Variants in SORCS2 observed in about 807,000 individuals in gnomAD.
SORCS2 encodes the protein VPS10 domain-containing receptor SorCS2.
In SORCS2, 100 loss-of-function variants were observed where a neutral mutation model predicts 141.6. That is an observed-to-expected ratio of 0.71 (90% confidence interval 0.60 to 0.83). The LOEUF (loss-of-function observed/expected upper bound fraction) is 0.83. Ranked by LOEUF, SORCS2 falls within the 40% of genes least tolerant of loss-of-function variation. SORCS2 has a pLI of 0.00. For missense variants in SORCS2, 1,646 were observed against 1,560.2 expected (o/e 1.05, Z -0.93); for synonymous variants, 789 against 676.9 (o/e 1.17, Z -2.57).
chr4:7,661,736 G>A (rs62290705), intron 6 of SORCS2, among the ~76,000 whole-genome samples, 172 bp downstream of exon 6: 2,611 of 152,286 alleles, frequency 0.017, 35 homozygotes, highest in Non-Finnish European at 0.027. Context: ...AGCTGGGGAG[G>A]AATCGAAGTC....
chr4:7,198,734 G>T (rs1727313056), intron 1 of SORCS2, among the ~76,000 whole-genome samples: 1 of 152,188 alleles, frequency 6.6e-6, no homozygotes, highest in Admixed American at 6.5e-5. Context: ...TGCTGGTGGG[G>T]CAAGCCTGTC....
At chr4:7,460,859 G>A (rs1470110321) in intron 2 of SORCS2, among the ~76,000 whole-genome samples, 1 of 152,148 alleles carries the variant, frequency 6.6e-6, no homozygotes, top group Non-Finnish European at 1.5e-5. Context: ...GCCTCCTGAA[G>A]CCTGGGCCGT....
rs144933241 is a variant in SORCS2, at chr4:7,543,487, T to TCATC, written c.648+11888_648+11891dup. Among the ~76,000 whole-genome samples, 562 of 114,144 alleles carry TCATC rather than the reference T, an allele frequency of 4.9e-3. 10 individuals are homozygous for TCATC. The highest frequency in any genetic ancestry group is 0.012 in the African/African-American group (341 of 27,664). 74.9% of individuals were successfully genotyped at this position (114,144 alleles called of 152,430 possible). On this transcript the variant is annotated intron_variant, in intron 3 of 26. Transcript: ENST00000507866. Reference sequence around the variant, plus strand: ...TCCACCCACCCATCCATTCACCCACTCATCCATCCATCCATCCATCCATCC... The same window carrying TCATC: ...TCCACCCACCCATCCATTCACCCACTCATCCATCCATCCATCCATCCATCCATCC...
intron 1 of SORCS2, among the ~76,000 whole-genome samples, chr4:7,214,801 G>C (rs1728229785): frequency 6.6e-6 from 1 of 152,228 alleles, no homozygotes; most frequent in African/African-American, 2.4e-5. Context: ...CTGCCAGTGG[G>C]GCTGCTTTTC....
intron 19 of SORCS2, among the ~76,000 whole-genome samples, chr4:7,724,677 A>G (rs1461362393): frequency 1.8e-4 from 15 of 81,174 alleles, no homozygotes; most frequent in East Asian, 5.4e-4. Flanking sequence ...TAATGGTGGT[A>G]GTGGTGATGG....
chr4:7,669,003 C>T (rs527331729), intron 8 of SORCS2, among the ~76,000 whole-genome samples: 13 of 152,314 alleles, frequency 8.5e-5, no homozygotes, highest in Non-Finnish European at 1.8e-4. Context: ...AAGTCATGAC[C>T]TCTGTGACCT....
chr4:7,438,766 C>T (rs2109252004), intron 2 of SORCS2, among the ~76,000 whole-genome samples: 1 of 152,168 alleles, frequency 6.6e-6, no homozygotes, highest in Middle Eastern at 3.4e-3. Flanking sequence ...ACACACCTGT[C>T]CCACTTGCTT....
At chr4:7,496,309 C>T (rs1200720491) in intron 2 of SORCS2, among the ~76,000 whole-genome samples, 2 of 152,096 alleles carry the variant, frequency 1.3e-5, no homozygotes, top group African/African-American at 2.4e-5. Context: ...ATCCAAGGTC[C>T]GGCTGCTCAA....
intron 1 of SORCS2, among the ~76,000 whole-genome samples, chr4:7,374,335 C>G (rs1388878376): frequency 6.6e-6 from 1 of 152,088 alleles, no homozygotes; most frequent in African/African-American, 2.4e-5. Context: ...GGGAAATGCT[C>G]CTCCCCCATG....
At chr4:7,571,928 C>T (rs770314974) in intron 3 of SORCS2, among the ~76,000 whole-genome samples, 1 of 152,198 alleles carries the variant, frequency 6.6e-6, no homozygotes, top group Non-Finnish European at 1.5e-5. Context: ...GTGTCATCCG[C>T]TCAACTCAGC....
At chr4:7,615,039 A>C (rs1718666572) in intron 3 of SORCS2, among the ~76,000 whole-genome samples, 1 of 151,716 alleles carries the variant, frequency 6.6e-6, no homozygotes, top group African/African-American at 2.4e-5. Context: ...CCATTTATTC[A>C]TCCATCCACC....
chr4:7,305,233 G>T lies in SORCS2; in HGVS notation c.481-91055G>T, dbSNP rs557536737. On this transcript the variant is annotated intron_variant, in intron 1 of 26. Coordinates refer to ENST00000507866, the MANE Select transcript of SORCS2 (RefSeq NM_020777.3). ...TTTTTAGTAGAGATGGGGTTTCACC[G>T]TGTTAGCCAGGATGGTCTCGATCTG... 3.3e-5 allele frequency among the ~76,000 whole-genome samples: 5 copies of T among 152,076 alleles called. No individual in the cohort carries two copies. The East Asian group carries it at 7.7e-4, about 23-fold the overall frequency.
chr4:7,219,862 T>C (rs1261613552), intron 1 of SORCS2, among the ~76,000 whole-genome samples: 1 of 152,208 alleles, frequency 6.6e-6, no homozygotes, highest in Non-Finnish European at 1.5e-5. Flanking sequence ...GGCACAGACC[T>C]TGCCCGCAGC....
At chr4:7,507,903 T>C (rs1732373831) in intron 2 of SORCS2, among the ~76,000 whole-genome samples, 1 of 152,084 alleles carries the variant, frequency 6.6e-6, no homozygotes, top group African/African-American at 2.4e-5. Flanking sequence ...AAAATGAGAA[T>C]ATGTATAACC....
intron 1 of SORCS2, among the ~76,000 whole-genome samples, chr4:7,356,095 G>A (rs1721235813): frequency 6.6e-6 from 1 of 152,242 alleles, no homozygotes; most frequent in Non-Finnish European, 1.5e-5. Context: ...ATCTTCACAT[G>A]GCTGGCTCCT....
At chr4:7,459,834 T>C (rs925889261) in intron 2 of SORCS2, among the ~76,000 whole-genome samples, 2 of 152,192 alleles carry the variant, frequency 1.3e-5, no homozygotes, top group Non-Finnish European at 2.9e-5. Context: ...ATTGAGGGCA[T>C]TAGCCAGGGC....
intron 3 of SORCS2, among the ~76,000 whole-genome samples, chr4:7,570,564 T>C (rs1392174658): frequency 1.3e-5 from 2 of 152,240 alleles, no homozygotes; most frequent in Non-Finnish European, 2.9e-5. Context: ...CACACCGCCC[T>C]GTAGATCCGC....
intron 3 of SORCS2, among the ~76,000 whole-genome samples, chr4:7,588,248 C>T (rs1360701130): frequency 6.6e-6 from 1 of 152,198 alleles, no homozygotes; most frequent in Non-Finnish European, 1.5e-5. Flanking sequence ...ACTTTGGAGC[C>T]GGCTTCGGGC....
intron 1 of SORCS2, among the ~76,000 whole-genome samples, chr4:7,253,582 G>GC (rs1577324582): frequency 6.6e-6 from 1 of 152,142 alleles, no homozygotes. Flanking sequence ...TGGCCAGGGC[G>GC]CCCCCAGCTC....
Sources: gnomAD v4.1 joint callset for allele counts (sites outside exome capture counted in the v4.1 genomes callset) on GRCh38, gnomAD v4.1.1 for gene constraint, MANE v1.5 for transcripts, NCBI Gene and HGNC (gene_info 2026-07-23, HGNC 2026-07-21) for gene names.